Variants in FER1L5 observed in about 807,000 individuals in gnomAD.
FER1L5 encodes fer-1-like protein 5.
A neutral mutation model predicts 279.9 loss-of-function variants in FER1L5; 187 were observed. The observed-to-expected ratio is 0.67, with a 90% confidence interval of 0.59 to 0.75. The LOEUF (loss-of-function observed/expected upper bound fraction) is 0.75. Ranked by LOEUF, FER1L5 falls within the 30% of genes least tolerant of loss-of-function variation. The probability of loss-of-function intolerance (pLI) is 0.00; values close to 1 mark genes in which losing one functional copy is unlikely to be tolerated. For missense variants in FER1L5, 2,091 were observed against 2,594.4 expected (o/e 0.81, Z 4.21); for synonymous variants, 921 against 989.7 (o/e 0.93, Z 1.30).
intron 13 of FER1L5, 88 bp from the exon 14 acceptor site, chr2:96,663,350 TG>T (rs1200324644): frequency 5.6e-6 from 7 of 1,240,488 alleles, no homozygotes; most frequent in Non-Finnish European, 8.1e-6. Context: ...TGGTGTCCAC[TG>T]GGAGGCTGGA....
chr2:96,647,263 A>ATTC, intron 3 of FER1L5, 108 bp downstream of exon 3: 1 of 1,192,092 alleles, frequency 8.4e-7, no homozygotes, highest in Non-Finnish European at 1.2e-6. Context: ...AATGGAACCC[A>ATTC]CTCCAGCCAG....
chr2:96,692,648 G>A (rs972159904), intron 31 of FER1L5, among the ~76,000 whole-genome samples: 4 of 152,212 alleles, frequency 2.6e-5, no homozygotes, highest in African/African-American at 9.6e-5. Flanking sequence ...ACTCGTGTTT[G>A]GACAGAGGCG....
chr2:96,703,965 G>A (rs2077687355), intron 51 of FER1L5, among the ~76,000 whole-genome samples: 1 of 151,944 alleles, frequency 6.6e-6, no homozygotes, highest in South Asian at 2.1e-4. Context: ...ACAGGCACAT[G>A]CCACCATGCC....
Position 96,642,885 on chromosome 2 carries a change from C to G in FER1L5, c.49C>G (p.Pro17Ala). 1 of 1,551,170 alleles carries G rather than the reference C, an allele frequency of 6.4e-7. No individual in the cohort carries two copies. Among genetic ancestry groups the G allele is most frequent in the African/African-American group, 1.4e-5 (1 of 73,114 alleles). The change falls in exon 1 of 53, where the codon CCA (proline) becomes GCA (alanine). Residue 17 changes from proline to alanine, a missense_variant. Transcript: ENST00000624922. ...GGCCAAGATTGACCCACCACTAGCC[C>G]CACTACCCAGGCCCTGCATGTCCAT... ...QSAKIDPPLA[P>A]LPRPCMSIDF...
chr2:96,699,063 C>T lies in FER1L5; in HGVS notation c.4537C>T (p.Leu1513=). Reference sequence around the variant, plus strand: ...ACCCCAGTGTGACCCTTATGTGATCCTGAAACTGGGCAAGACAGAGCTTGG... The same window carrying T: ...ACCCCAGTGTGACCCTTATGTGATCTTGAAACTGGGCAAGACAGAGCTTGG... ...YNGLCDPYVI[L]KLGKTELGNR... Residue 1513 remains leucine, a synonymous_variant, in exon 42 of 53, where the codon CTG becomes TTG. Transcript: ENST00000624922. 1 of 1,611,320 alleles carries T rather than the reference C, an allele frequency of 6.2e-7. No homozygotes were observed. Among genetic ancestry groups the T allele is most frequent in the Non-Finnish European group, 8.5e-7 (1 of 1,178,796 alleles).
At chr2:96,651,088 C>A (rs1310234739) in intron 6 of FER1L5, among the ~76,000 whole-genome samples, 1 of 152,240 alleles carries the variant, frequency 6.6e-6, no homozygotes, top group Non-Finnish European at 1.5e-5. Context: ...GTCTTCCACA[C>A]AAGATCACAA....
At chr2:96,687,591 C>A in intron 23 of FER1L5, 1 of 587,158 alleles carries the variant, frequency 1.7e-6, no homozygotes, top group Non-Finnish European at 3.0e-6. Context: ...CTCTGTGAGG[C>A]ACTCCCACCC....
In FER1L5 at chr2:96,685,951, C is replaced by G. The variant is rs2076908022; in HGVS notation, c.1907C>G (p.Pro636Arg). ...ELAEDCKRPL[P>R]CMTYQPKATS... ...TGTCCTGGCCACAGGCGCCCTCTGC[C>G]CTGCATGACCTATCAGCCCAAAGCC... Residue 636 changes from proline (P) to arginine (R), a missense_variant, in exon 22 of 53, where the codon CCC becomes CGC. Coordinates refer to ENST00000624922, the MANE Select transcript of FER1L5 (RefSeq NM_001293083.2). 1.3e-6 allele frequency: 2 copies of G among 1,543,032 alleles called. No homozygotes were observed. The highest frequency in any genetic ancestry group is 4.9e-5 in the East Asian group (2 of 40,910).
intron 9 of FER1L5, among the ~76,000 whole-genome samples, chr2:96,656,810 G>C (rs1350429792): frequency 8.7e-5 from 13 of 149,122 alleles, no homozygotes; most frequent in African/African-American, 3.2e-4. Context: ...TGGACCTGTA[G>C]TGTTTTCTCT....
At chr2:96,663,583 G>C in intron 14 of FER1L5, 76 bp downstream of exon 14, 1 of 1,503,218 alleles carries the variant, frequency 6.7e-7, no homozygotes, top group Non-Finnish European at 9.1e-7. Context: ...ATTGTGTGGG[G>C]GTGAAGACAG....
At chr2:96,687,652 A>T in intron 23 of FER1L5, 164 bp from the exon 24 acceptor site, 2 of 1,131,090 alleles carry the variant, frequency 1.8e-6, no homozygotes, top group Non-Finnish European at 2.5e-6. Flanking sequence ...GGAGGGCAGA[A>T]CAGAACTCCA....
chr2:96,659,493 CTTTCTTTCTTTCTTTCGA>C lies in FER1L5; in HGVS notation c.748-847_748-830del, dbSNP rs1558855678. 3.2e-4 allele frequency among the ~76,000 whole-genome samples: 13 copies of C among 41,050 alleles called. 1 individual carries two copies. The highest frequency in any genetic ancestry group is 1.6e-3 in the South Asian group (1 of 636). 26.9% of individuals were successfully genotyped at this position (41,050 alleles called of 152,430 possible). A position where few individuals can be genotyped will look rare whatever the true frequency, so the allele number is the denominator to read the frequency against. ...TCTTTCTTTCTTTCTTTCTTTCTTTCTTTCTTTCTTTCTTTCGAGACAGAGTCTCGCTCTGTCGCCCAG... is the reference window on the plus strand; with the variant it reads ...TCTTTCTTTCTTTCTTTCTTTCTTTCGACAGAGTCTCGCTCTGTCGCCCAG... On this transcript the variant is annotated intron_variant, in intron 9 of 52. Coordinates refer to ENST00000624922, the MANE Select transcript of FER1L5 (RefSeq NM_001293083.2).
In FER1L5 at chr2:96,661,699, A is replaced by G. The variant is rs2075959864; in HGVS notation, c.926A>G (p.Asp309Gly). ...CAAAAGCTGCTCTATGGCACCGATG[A>G]CACCGATATTCAGATCTTCAAGTCA... ...IDQKLLYGTD[D>G]TDIQIFKSAV... Residue 309 changes from aspartate to glycine, a missense_variant, in exon 12 of 53, where the codon GAC becomes GGC. By Grantham distance (94) the Asp-to-Gly change is moderately conservative. Coordinates refer to ENST00000624922, the MANE Select transcript of FER1L5 (RefSeq NM_001293083.2). 4 of 1,551,582 alleles carry G rather than the reference A, an allele frequency of 2.6e-6. No individual in the cohort carries two copies. The highest frequency in any genetic ancestry group is 2.7e-5 in the African/African-American group (2 of 73,024).
At position 96,689,475 on chromosome 2, in the gene FER1L5, G is replaced by C. The variant is rs1323124835; in HGVS notation, c.2525+99G>C. 6 of 1,511,446 alleles carry C rather than the reference G, an allele frequency of 4.0e-6. No homozygotes were observed. Among genetic ancestry groups the C allele is most frequent in the South Asian group, 1.2e-5 (1 of 80,436 alleles). The allele number at this position is 1,511,446 out of a possible 1,614,324, so 93.6% of individuals were successfully genotyped here. A position where few individuals can be genotyped will look rare whatever the true frequency, so the allele number is the denominator to read the frequency against. ...AGATGGGTACCTAGCCCCTAAGCCT[G>C]GTGCCAGAGGGCCGAGGTGCACCAG... On this transcript the variant is annotated intron_variant, in intron 25 of 52. Coordinates refer to ENST00000624922, the MANE Select transcript of FER1L5 (RefSeq NM_001293083.2). This position sits in a 1 kb window ranked among gnomAD's most constrained non-coding sequence, Gnocchi z 4.6.
intron 19 of FER1L5, among the ~76,000 whole-genome samples, chr2:96,675,081 C>T (rs1208291843): frequency 1.3e-5 from 2 of 152,172 alleles, no homozygotes; most frequent in Non-Finnish European, 2.9e-5. Flanking sequence ...TGTCTTAAAT[C>T]TTCTGCTCAA....
chr2:96,663,976 G>A (rs1158824199), intron 14 of FER1L5, among the ~76,000 whole-genome samples: 1 of 152,104 alleles, frequency 6.6e-6, no homozygotes, highest in Non-Finnish European at 1.5e-5. Flanking sequence ...CCCGGAGGTG[G>A]AAGTTGCAGT....
chr2:96,697,917 G>A, intron 39 of FER1L5, 120 bp from the exon 40 acceptor site: 1 of 1,469,676 alleles, frequency 6.8e-7, no homozygotes, highest in Non-Finnish European at 9.2e-7. Flanking sequence ...AGCACACAGT[G>A]CTGGCCCCAG....
At chr2:96,652,333 T>C (rs1252795961) in intron 7 of FER1L5, 2 of 336,640 alleles carry the variant, frequency 5.9e-6, no homozygotes, top group Non-Finnish European at 1.1e-5. Flanking sequence ...AGACCATGTA[T>C]GTCTCATTGC....
In FER1L5 at chr2:96,691,229, C is replaced by T; in HGVS notation, c.2783C>T (p.Pro928Leu). 1 of 1,550,318 alleles carries T rather than the reference C, an allele frequency of 6.5e-7. No homozygotes were observed. Residue 928 changes from proline to leucine, a missense_variant, in exon 28 of 53, where the codon CCC becomes CTC. By Grantham distance (98) the Pro-to-Leu change is moderately conservative. Coordinates refer to ENST00000624922, the MANE Select transcript of FER1L5 (RefSeq NM_001293083.2). This position sits in a 1 kb window ranked among gnomAD's most constrained non-coding sequence, Gnocchi z 6.0. ...YGVGIPPSGLPQVWSPVEKTY... is the reference protein window; with the variant it reads ...YGVGIPPSGLLQVWSPVEKTY... ...GTGGGGATCCCACCGTCGGGCCTGCCCCAGGTCTGGAGCCCGGTGGAGAAG... is the reference window on the plus strand; with the variant it reads ...GTGGGGATCCCACCGTCGGGCCTGCTCCAGGTCTGGAGCCCGGTGGAGAAG...
Sources: allele counts gnomAD v4.1 joint callset (sites outside exome capture counted in the v4.1 genomes callset), GRCh38; gene constraint gnomAD v4.1.1; non-coding constraint Gnocchi (gnomAD v3.1); transcripts MANE v1.5; gene names NCBI Gene and HGNC (gene_info 2026-07-23, HGNC 2026-07-21).